The following LRP1B variants were observed in gnomAD, a reference collection of about 807,000 sequenced individuals.
LRP1B encodes the protein low-density lipoprotein receptor-related protein 1B.
LRP1B carries 217 observed loss-of-function variants against 556.6 expected under a neutral mutation model. The observed-to-expected ratio is 0.39, with a 90% CI of 0.35 to 0.44. LRP1B has a LOEUF of 0.44. LRP1B is among the 20% of genes least tolerant of loss of function. LRP1B has a pLI of 1.00. For missense variants in LRP1B, 5,053 were observed against 5,620.8 expected (o/e 0.90, Z 3.23); for synonymous variants, 2,047 against 1,865.8 (o/e 1.10, Z -2.50).
intron 80 of LRP1B, among the ~76,000 whole-genome samples, chr2:140,324,572 AAAG>A (rs1434017853): frequency 3.3e-5 from 5 of 152,118 alleles, no homozygotes; most frequent in African/African-American, 1.2e-4. Context: ...GAAGTGGAAT[AAAG>A]AAAACAGTTA....
At chr2:141,928,865 C>G (rs1424120961) in intron 1 of LRP1B, among the ~76,000 whole-genome samples, 4 of 152,094 alleles carry the variant, frequency 2.6e-5, no homozygotes, top group East Asian at 1.9e-4. Context: ...ACATGTAAGT[C>G]AGGGTGACTG....
At chr2:141,102,937 A>G (rs2104943335) in intron 7 of LRP1B, among the ~76,000 whole-genome samples, 1 of 152,236 alleles carries the variant, frequency 6.6e-6, no homozygotes, top group Admixed American at 6.5e-5. Context: ...AATGCCAGCT[A>G]TATTCTGATC....
intron 1 of LRP1B, among the ~76,000 whole-genome samples, chr2:142,100,858 C>T (rs1447391580): frequency 1.3e-5 from 2 of 151,834 alleles, no homozygotes; most frequent in African/African-American, 4.8e-5. Context: ...TTTAAGGGCT[C>T]CTTGTCCCCA....
At position 142,048,354 on chromosome 2, in the gene LRP1B, G is replaced by A. The variant is rs186426567; in HGVS notation, c.82+82294C>T. Among the ~76,000 whole-genome samples the A allele has an allele frequency of 5.6e-4, 85 of 152,124 alleles. 2 individuals are homozygous for A. The East Asian group carries it at 0.015, about 27-fold the overall frequency. ...TGGCCAACATCACAGCTAATAATTG[G>A]CACAGTAGGGATTCCCCTCATAAGT... On this transcript the variant is annotated intron_variant, in intron 1 of 90. Coordinates refer to ENST00000389484, the MANE Select transcript of LRP1B (RefSeq NM_018557.3).
At chr2:142,037,932 T>C (rs1452565765) in intron 1 of LRP1B, among the ~76,000 whole-genome samples, 1 of 151,580 alleles carries the variant, frequency 6.6e-6, no homozygotes, top group African/African-American at 2.4e-5. Context: ...TGTGAGCTCC[T>C]GGATTGTTCC....
chr2:141,053,937 A>G (rs1534128), intron 10 of LRP1B, among the ~76,000 whole-genome samples: 129,196 of 151,800 alleles, frequency 0.85, 55,627 homozygotes, highest in Non-Finnish European at 0.91. Context: ...TTCTTTTATC[A>G]TGAGGCTTCA....
intron 41 of LRP1B, among the ~76,000 whole-genome samples, chr2:140,664,923 T>C (rs912232708): frequency 1.3e-5 from 2 of 152,148 alleles, no homozygotes; most frequent in Admixed American, 6.5e-5. Context: ...CAACAATATA[T>C]TGTTTCATTT....
intron 76 of LRP1B, among the ~76,000 whole-genome samples, chr2:140,351,519 C>G (rs1445045582): frequency 6.6e-6 from 1 of 151,992 alleles, no homozygotes; most frequent in African/African-American, 2.4e-5. Flanking sequence ...TAAATGCTTA[C>G]TAACTTTTAA....
intron 2 of LRP1B, among the ~76,000 whole-genome samples, chr2:141,629,612 C>T (rs1208296338): frequency 6.6e-6 from 1 of 152,108 alleles, no homozygotes; most frequent in East Asian, 1.9e-4. Context: ...CTGAGTGATA[C>T]TTGCCCTGAA....
intron 2 of LRP1B, among the ~76,000 whole-genome samples, chr2:141,595,853 T>C (rs1262768025): frequency 6.6e-6 from 1 of 152,078 alleles, no homozygotes; most frequent in Admixed American, 6.6e-5. Context: ...TCTATCATAC[T>C]TGAAAATTTA....
At chr2:140,875,779 C>A (rs1036885221) in intron 25 of LRP1B, among the ~76,000 whole-genome samples, 9 of 152,048 alleles carry the variant, frequency 5.9e-5, no homozygotes, top group African/African-American at 2.2e-4. Context: ...GTTCAGTTTT[C>A]TTTGGGCTGT....
chr2:141,210,631 T>C (rs568072381), intron 6 of LRP1B, among the ~76,000 whole-genome samples: 2 of 152,282 alleles, frequency 1.3e-5, no homozygotes, highest in Admixed American at 6.5e-5. Flanking sequence ...GATGGTATCA[T>C]CAAGAAATTC....
chr2:142,102,309 A>T (rs985821317), intron 1 of LRP1B, among the ~76,000 whole-genome samples: 6 of 151,902 alleles, frequency 3.9e-5, no homozygotes, highest in African/African-American at 1.4e-4. Context: ...AAAATGACAC[A>T]GACACACACA....
intron 32 of LRP1B, among the ~76,000 whole-genome samples, chr2:140,778,034 A>G (rs1689559541): frequency 6.6e-6 from 1 of 150,968 alleles, no homozygotes; most frequent in Non-Finnish European, 1.5e-5. Context: ...AAAAAATGCC[A>G]GTTTTACTTA....
At chr2:141,475,618 CT>C (rs1162404156) in intron 3 of LRP1B, among the ~76,000 whole-genome samples, 3 of 152,034 alleles carry the variant, frequency 2.0e-5, no homozygotes, top group Admixed American at 1.3e-4. Flanking sequence ...CCACACCCCC[CT>C]ATCCTGTACC....
intron 66 of LRP1B, among the ~76,000 whole-genome samples, chr2:140,421,155 T>G (rs911369916): frequency 1.1e-4 from 16 of 152,076 alleles, no homozygotes; most frequent in African/African-American, 3.9e-4. Context: ...CTCGGGAGGC[T>G]GAGGCAGGAG....
chr2:140,729,659 C>T (rs957852298), intron 35 of LRP1B, among the ~76,000 whole-genome samples: 5 of 152,166 alleles, frequency 3.3e-5, no homozygotes, highest in African/African-American at 9.6e-5. Flanking sequence ...AAGAAGCCTC[C>T]TTCAATCTTC....
At position 141,413,610 on chromosome 2, in the gene LRP1B, A is replaced by C. The variant is rs1336738340; in HGVS notation, c.343+66786T>G. On this transcript the variant is annotated intron_variant, in intron 3 of 90. Transcript: ENST00000389484. ...AAGTTTGTGGTATTTTGTTATAGGC[A>C]ATAGAAAACATGCAGGATTGGTTGC... Among the ~76,000 whole-genome samples, 26 of 152,194 alleles carry C rather than the reference A, an allele frequency of 1.7e-4. 1 individual carries two copies. Among genetic ancestry groups the C allele is most frequent in the Admixed American group, 1.7e-3 (26 of 15,286 alleles).
intron 2 of LRP1B, among the ~76,000 whole-genome samples, chr2:141,546,679 T>C (rs914598225): frequency 2.0e-5 from 3 of 152,176 alleles, no homozygotes; most frequent in African/African-American, 4.8e-5. Flanking sequence ...TTTCTTAAGC[T>C]TGCATTTTAC....
Sources: gnomAD v4.1 joint callset for allele counts (sites outside exome capture counted in the v4.1 genomes callset) on GRCh38, gnomAD v4.1.1 for gene constraint, MANE v1.5 for transcripts, NCBI Gene and HGNC (gene_info 2026-07-23, HGNC 2026-07-21) for gene names.